The following NBAS variants were observed in gnomAD, a reference collection of about 807,000 sequenced individuals.
NBAS encodes NAG/BC035112 fusion.
Under a neutral mutation model 302.5 loss-of-function variants are expected in NBAS, and 219 were observed. The observed-to-expected ratio is 0.72, with a 90% CI of 0.65 to 0.81. The LOEUF (loss-of-function observed/expected upper bound fraction) is 0.81. Among genes scored for constraint, NBAS ranks in the 30% least tolerant of loss-of-function variants. The pLI is 0.00. For missense variants in NBAS, 2,932 were observed against 2,841.6 expected (o/e 1.03, Z -0.72); for synonymous variants, 1,118 against 1,021.6 (o/e 1.09, Z -1.80).
In NBAS at chr2:15,374,708, T is replaced by G; in HGVS notation, c.3603A>C (p.Gln1201His). 1 of 1,613,694 alleles carries G rather than the reference T, an allele frequency of 6.2e-7. No homozygotes were observed. Among genetic ancestry groups the G allele is most frequent in the Non-Finnish European group, 8.5e-7 (1 of 1,179,680 alleles). The change falls in exon 31 of 52, where the codon CAA (glutamine) becomes CAC (histidine). Residue 1201 changes from glutamine (Q) to histidine (H), a missense_variant. Gln to His is a conservative substitution (Grantham distance 24). Transcript: ENST00000281513. ...TGGCAGGGGGTCTGTCTGTTATCAG[T>G]TGTAAGCAGCACCTAGAAGAAATTA... ...SCMDLARCCLQLITDRPPAIQ... is the reference protein window; with the variant it reads ...SCMDLARCCLHLITDRPPAIQ...
the NBAS span, among the ~76,000 whole-genome samples, chr2:14,976,591 C>T: frequency 1.3e-5 from 2 of 152,134 alleles, no homozygotes; most frequent in South Asian, 4.2e-4. Flanking sequence ...GAAAAGTGGT[C>T]GTTCCAAAAA....
chr2:14,964,578 C>G, the NBAS span, among the ~76,000 whole-genome samples: 5 of 152,198 alleles, frequency 3.3e-5, no homozygotes, highest in Non-Finnish European at 5.9e-5. Flanking sequence ...GACAAATAGA[C>G]AAACCCACAG....
chr2:15,493,027 G>A (rs955686890), intron 11 of NBAS, among the ~76,000 whole-genome samples: 2 of 152,146 alleles, frequency 1.3e-5, no homozygotes, highest in African/African-American at 2.4e-5. Context: ...GGAGGTGACT[G>A]GATCATGGGG....
chr2:15,371,054 G>C (rs1053738819), intron 31 of NBAS, among the ~76,000 whole-genome samples: 1 of 152,182 alleles, frequency 6.6e-6, no homozygotes, highest in African/African-American at 2.4e-5. Context: ...TTGAGGGAAT[G>C]ACCTGGTGGA....
chr2:15,193,518 T>C (rs149942063), intron 48 of NBAS, among the ~76,000 whole-genome samples: 18 of 152,294 alleles, frequency 1.2e-4, no homozygotes, highest in Admixed American at 4.6e-4. Flanking sequence ...TCATCTAAGA[T>C]TGTGCCCAAA....
At chr2:15,544,621 T>A (rs1298485795) in intron 6 of NBAS, among the ~76,000 whole-genome samples, 1 of 151,726 alleles carries the variant, frequency 6.6e-6, no homozygotes, top group Non-Finnish European at 1.5e-5. Flanking sequence ...AAAGAGAAAA[T>A]TTTAAAGTAG....
the NBAS span, among the ~76,000 whole-genome samples, chr2:15,007,461 T>G: frequency 2.0e-5 from 3 of 152,378 alleles, no homozygotes; most frequent in African/African-American, 4.8e-5. Flanking sequence ...TTTAAACTTA[T>G]GCTGTTTATT....
At chr2:14,975,479 T>G in the NBAS span, among the ~76,000 whole-genome samples, 3 of 152,360 alleles carry the variant, frequency 2.0e-5, no homozygotes, top group African/African-American at 7.2e-5. Flanking sequence ...GTAATTCTTA[T>G]TCACATGACA....
At chr2:14,779,920 T>C in the NBAS span, among the ~76,000 whole-genome samples, 3 of 152,230 alleles carry the variant, frequency 2.0e-5, no homozygotes, top group Admixed American at 6.5e-5. Flanking sequence ...TGTTATTACA[T>C]ATATAACTCT....
chr2:14,978,609 T>G, the NBAS span, among the ~76,000 whole-genome samples: 1 of 152,188 alleles, frequency 6.6e-6, no homozygotes, highest in Non-Finnish European at 1.5e-5. Context: ...TTAAATTGAA[T>G]GACATAATCA....
At chr2:15,353,872 G>T (rs1239129826) in intron 33 of NBAS, among the ~76,000 whole-genome samples, 162 bp from the exon 34 acceptor site, 1 of 152,178 alleles carries the variant, frequency 6.6e-6, no homozygotes, top group African/African-American at 2.4e-5. Flanking sequence ...AAGAATCTAA[G>T]CTAGGAAAGA....
At chr2:15,305,795 C>T (rs1671010224) in intron 40 of NBAS, among the ~76,000 whole-genome samples, 1 of 152,050 alleles carries the variant, frequency 6.6e-6, no homozygotes, top group Admixed American at 6.5e-5. Flanking sequence ...TAGTGGCCTT[C>T]CAATCTTATG....
chr2:14,842,106 A>G, the NBAS span, among the ~76,000 whole-genome samples: 1 of 152,038 alleles, frequency 6.6e-6, no homozygotes, highest in Non-Finnish European at 1.5e-5. Context: ...TGAATAAATT[A>G]AGAGGGAAAT....
chr2:14,803,002 C>T, the NBAS span, among the ~76,000 whole-genome samples: 1 of 150,142 alleles, frequency 6.7e-6, no homozygotes, highest in African/African-American at 2.5e-5. Context: ...AACTAACCTG[C>T]ACAATGTGCA....
chr2:15,089,247 G>A, the NBAS span, among the ~76,000 whole-genome samples: 1 of 152,076 alleles, frequency 6.6e-6, no homozygotes, highest in Non-Finnish European at 1.5e-5. Flanking sequence ...CTCCCAGAGT[G>A]CAAGGATTAC....
At chr2:15,475,093 T>A (rs1388888510) in intron 14 of NBAS, among the ~76,000 whole-genome samples, 1 of 152,224 alleles carries the variant, frequency 6.6e-6, no homozygotes, top group African/African-American at 2.4e-5. Flanking sequence ...CATTCCAGAC[T>A]TAACAGAGCT....
chr2:15,379,997 T>C (rs1287053415), intron 29 of NBAS, among the ~76,000 whole-genome samples, 166 bp from the exon 30 acceptor site: 1 of 152,168 alleles, frequency 6.6e-6, no homozygotes, highest in African/African-American at 2.4e-5. Flanking sequence ...CTGTATACTT[T>C]GAAATGGTTA....
At chr2:15,551,621 C>A in intron 5 of NBAS, 85 bp from the exon 6 acceptor site, 3 of 955,440 alleles carry the variant, frequency 3.1e-6, no homozygotes, top group South Asian at 3.0e-5. Context: ...GACTAGACAG[C>A]CTCTATATAC....
intron 48 of NBAS, among the ~76,000 whole-genome samples, chr2:15,194,386 A>G (rs1216222537): frequency 3.9e-5 from 6 of 152,200 alleles, no homozygotes; most frequent in Non-Finnish European, 5.9e-5. Context: ...GGAGGCCAGA[A>G]GGAAGTGTCG....
Sources: gnomAD v4.1 joint callset for allele counts (sites outside exome capture counted in the v4.1 genomes callset) on GRCh38, gnomAD v4.1.1 for gene constraint, MANE v1.5 for transcripts, NCBI Gene and HGNC (gene_info 2026-07-23, HGNC 2026-07-21) for gene names.